IL1RAPL2: variants seen among roughly 807,000 people sequenced by gnomAD.
The protein encoded by IL1RAPL2 is X-linked interleukin-1 receptor accessory protein-like 2.
In IL1RAPL2, 3 loss-of-function variants were observed where a neutral mutation model predicts 44.1. That is an observed-to-expected ratio of 0.07 (90% CI 0.03 to 0.18). The LOEUF is 0.18. Ranked by LOEUF, IL1RAPL2 falls within the 10% of genes least tolerant of loss-of-function variation. The pLI is 1.00. For synonymous variants in IL1RAPL2, 181 were observed against 178.8 expected (o/e 1.01, Z -0.10); for missense variants, 391 against 496.4 (o/e 0.79, Z 2.02).
chrX:105,443,946 T>A (rs1248518150), intron 5 of IL1RAPL2, among the ~76,000 whole-genome samples: 1 of 112,346 alleles, frequency 8.9e-6, no homozygotes, highest in Non-Finnish European at 1.9e-5. Context: ...TGTACTAATT[T>A]ACATTTCCAC....
At chrX:105,653,141 T>C (rs893011478) in intron 6 of IL1RAPL2, among the ~76,000 whole-genome samples, 5 of 111,931 alleles carry the variant, frequency 4.5e-5, no homozygotes, top group Middle Eastern at 9.2e-3. Flanking sequence ...CTGAGCAGCA[T>C]GATATAGTAA....
At chrX:105,681,687 G>C (rs751244152) in intron 6 of IL1RAPL2, among the ~76,000 whole-genome samples, 1 of 111,374 alleles carries the variant, frequency 9.0e-6, no homozygotes, top group Admixed American at 9.5e-5. Context: ...GAACCCAGGG[G>C]GCAGAGGTTG....
At chrX:104,990,269 T>G (rs1054603013) in intron 2 of IL1RAPL2, among the ~76,000 whole-genome samples, 2 of 112,502 alleles carry the variant, frequency 1.8e-5, no homozygotes, top group African/African-American at 3.2e-5. Context: ...TATATTTCCT[T>G]GTGTGGTGTA....
intron 2 of IL1RAPL2, among the ~76,000 whole-genome samples, chrX:104,971,345 C>A (rs1162124402): frequency 2.7e-5 from 3 of 110,902 alleles, no homozygotes; most frequent in African/African-American, 9.9e-5. Flanking sequence ...GAGACTCTGT[C>A]TCAAAAAATA....
chrX:104,712,680 T>A (rs1602692487), intron 2 of IL1RAPL2, among the ~76,000 whole-genome samples: 1 of 110,909 alleles, frequency 9.0e-6, no homozygotes, highest in East Asian at 2.9e-4. Context: ...ATTTAAAACA[T>A]TAATATCCTC....
intron 6 of IL1RAPL2, among the ~76,000 whole-genome samples, chrX:105,606,591 T>C (rs2037294125): frequency 1.8e-5 from 2 of 111,733 alleles, no homozygotes; most frequent in African/African-American, 6.5e-5. Flanking sequence ...ATCAAAGAGA[T>C]ATTTACACCC....
chrX:104,873,988 G>A (rs1397870389), intron 2 of IL1RAPL2, among the ~76,000 whole-genome samples: 1 of 110,680 alleles, frequency 9.0e-6, no homozygotes, highest in Non-Finnish European at 1.9e-5. Context: ...GCCAGAACAG[G>A]TTAGTTCCAA....
At chrX:105,428,043 T>C (rs1004756316) in intron 5 of IL1RAPL2, among the ~76,000 whole-genome samples, 4 of 111,904 alleles carry the variant, frequency 3.6e-5, no homozygotes, top group Non-Finnish European at 7.5e-5. Context: ...AATATATTAA[T>C]GTTACAAAAG....
Position 104,658,941 on chromosome X carries a change from G to A in IL1RAPL2, c.28G>A (p.Val10Met). 8.3e-7 allele frequency: 1 copy of A among 1,207,594 alleles called. No homozygotes were observed. Among genetic ancestry groups the A allele is most frequent in the Non-Finnish European group, 1.1e-6 (1 of 893,308 alleles). Residue 10 changes from valine to methionine, a missense_variant, in exon 2 of 11, where the codon GTG becomes ATG. By Grantham distance (21) the Val-to-Met change is conservative. Around this residue, in one of 2 missense-constraint regions of IL1RAPL2, gnomAD observed 159 missense variants for 251.7 expected, o/e 0.63. Transcript: ENST00000372582. Reference protein sequence around the residue: MKPPFLLALVVCSVVSTNLK... With the variant: MKPPFLLALMVCSVVSTNLK... ...GAAGCCACCATTTCTTTTGGCCCTT[G>A]TGGTCTGTTCTGTAGTCAGCACAAA...
At chrX:105,206,685 C>T (rs781992719) in intron 3 of IL1RAPL2, among the ~76,000 whole-genome samples, 4 of 111,737 alleles carry the variant, frequency 3.6e-5, no homozygotes, top group Non-Finnish European at 1.9e-5. Flanking sequence ...ATAGAGATTC[C>T]AAGTTCATGA....
chrX:104,805,837 A>G (rs760284956), intron 2 of IL1RAPL2, among the ~76,000 whole-genome samples: 1 of 112,141 alleles, frequency 8.9e-6, no homozygotes, highest in Non-Finnish European at 1.9e-5. Context: ...GATGAAGCCA[A>G]GACTCCAAGA....
chrX:104,949,647 T>C (rs1247350984), intron 2 of IL1RAPL2, among the ~76,000 whole-genome samples: 4 of 109,344 alleles, frequency 3.7e-5, no homozygotes, highest in Admixed American at 9.8e-5. Flanking sequence ...TCAAAGAACA[T>C]CTTTATTTCT....
chrX:105,729,935 GGGAA>G (rs1178876814), intron 7 of IL1RAPL2, among the ~76,000 whole-genome samples: 10 of 85,800 alleles, frequency 1.2e-4, no homozygotes, highest in East Asian at 3.7e-4. Context: ...GAGGGAGGGA[GGGAA>G]GGAAGGAAGG....
intron 2 of IL1RAPL2, among the ~76,000 whole-genome samples, chrX:105,027,222 C>G (rs1244359451): frequency 9.0e-6 from 1 of 111,282 alleles, no homozygotes; most frequent in African/African-American, 3.3e-5. Context: ...GAAACTGATA[C>G]AAGAAAACAT....
At chrX:105,006,300 G>C (rs1270710501) in intron 2 of IL1RAPL2, among the ~76,000 whole-genome samples, 1 of 110,026 alleles carries the variant, frequency 9.1e-6, no homozygotes, top group Non-Finnish European at 1.9e-5. Context: ...TATGAAATAA[G>C]GCTTTTTATG....
intron 2 of IL1RAPL2, among the ~76,000 whole-genome samples, chrX:104,890,972 TG>T (rs1923418257): frequency 8.9e-6 from 1 of 112,078 alleles, no homozygotes; most frequent in Admixed American, 9.5e-5. Context: ...AATTAATTTT[TG>T]TATAAGGTGT....
intron 6 of IL1RAPL2, among the ~76,000 whole-genome samples, chrX:105,582,184 A>G (rs896136183): frequency 1.8e-5 from 2 of 111,876 alleles, no homozygotes; most frequent in Non-Finnish European, 3.8e-5. Flanking sequence ...ACTAAAATCA[A>G]TATTGTCTTG....
intron 5 of IL1RAPL2, among the ~76,000 whole-genome samples, chrX:105,307,627 A>T (rs1180525856): frequency 2.1e-5 from 1 of 47,565 alleles, no homozygotes; most frequent in Non-Finnish European, 3.0e-5. Context: ...ATTTTCTATT[A>T]TATATATTAT....
chrX:105,034,106 A>T (rs974193443), intron 2 of IL1RAPL2, among the ~76,000 whole-genome samples: 3 of 111,300 alleles, frequency 2.7e-5, no homozygotes, highest in African/African-American at 6.5e-5. Context: ...TGCATTGGTT[A>T]TTGTAGGTAT....
Sources: gnomAD v4.1 joint callset for allele counts (sites outside exome capture counted in the v4.1 genomes callset) on GRCh38, gnomAD v4.1.1 for gene constraint, gnomAD v4.1.1 regional missense constraint, MANE v1.5 for transcripts, NCBI Gene and HGNC (gene_info 2026-07-23, HGNC 2026-07-21) for gene names.